HP1BP3: variants seen among roughly 807,000 people sequenced by gnomAD.
HP1BP3 encodes the protein heterochromatin protein 1 binding protein 3.
Under a neutral mutation model 62.5 loss-of-function variants are expected in HP1BP3, and 12 were observed. That is an observed-to-expected ratio of 0.19 (90% CI 0.12 to 0.31). The LOEUF (loss-of-function observed/expected upper bound fraction) is 0.31, where lower values mean the gene tolerates loss of function less well. Among genes scored for constraint, HP1BP3 ranks in the 10% least tolerant of loss-of-function variants. The probability of loss-of-function intolerance (pLI) is 1.00; values close to 1 mark genes in which losing one functional copy is unlikely to be tolerated. For missense variants in HP1BP3, 502 were observed against 651.8 expected, an observed-to-expected ratio of 0.77 and a Z score of 2.50; for synonymous variants, 260 against 237.8, an observed-to-expected ratio of 1.09 and a Z score of -0.86.
intron 1 of HP1BP3, among the ~76,000 whole-genome samples, chr1:20,782,405 CGT>C (rs879432002): frequency 1.3e-5 from 2 of 150,164 alleles, no homozygotes; most frequent in Admixed American, 1.3e-4. Context: ...GCAATACAGA[CGT>C]TGTCTCTAAA....
chr1:20,776,887 C>T, intron 3 of HP1BP3, 137 bp from the exon 4 acceptor site: 1 of 658,080 alleles, frequency 1.5e-6, no homozygotes, highest in Non-Finnish European at 2.4e-6. Flanking sequence ...AAATGAATGA[C>T]CACTAATGCA....
intron 9 of HP1BP3, among the ~76,000 whole-genome samples, chr1:20,751,576 C>A (rs1173279800): frequency 6.6e-6 from 1 of 151,942 alleles, no homozygotes; most frequent in East Asian, 1.9e-4. Flanking sequence ...AATAAAAAAA[C>A]TAGCTATGAA....
At chr1:20,751,035 T>G (rs904557443) in intron 9 of HP1BP3, among the ~76,000 whole-genome samples, 4 of 151,986 alleles carry the variant, frequency 2.6e-5, no homozygotes, top group African/African-American at 9.7e-5. Flanking sequence ...CAGGCTAGTC[T>G]CGAACTCCAG....
intron 5 of HP1BP3, 84 bp downstream of exon 5, chr1:20,773,367 G>A (rs867026160): frequency 2.5e-6 from 3 of 1,220,238 alleles, no homozygotes; most frequent in Admixed American, 2.3e-5. Context: ...GATTTATGAT[G>A]TCTAGACAGA....
rs752957848 is a variant in HP1BP3 at position 20,741,132 on chromosome 1, T to C, written c.*3665A>G. ...TAAGAATAGAATTTCTTTTCTTTCA[T>C]AGCTAAAATTAGAATTTTTGCTTAA... On this transcript the variant is annotated 3_prime_UTR_variant, in exon 13 of 13. Coordinates refer to ENST00000438032, the MANE Select transcript of HP1BP3 (RefSeq NM_001372052.1). Among the ~76,000 whole-genome samples, 1 of 152,258 alleles carries C rather than the reference T, an allele frequency of 6.6e-6. No homozygotes were observed. The highest frequency in any genetic ancestry group is 1.5e-5 in the Non-Finnish European group (1 of 68,046).
chr1:20,761,713 T>C (rs1052065139), intron 8 of HP1BP3, among the ~76,000 whole-genome samples: 5 of 152,218 alleles, frequency 3.3e-5, no homozygotes, highest in African/African-American at 9.7e-5. Flanking sequence ...ACCAAGTGAA[T>C]GTGGACATAA....
At chr1:20,782,911 A>G (rs1224014389) in intron 1 of HP1BP3, among the ~76,000 whole-genome samples, 37 of 38,304 alleles carry the variant, frequency 9.7e-4, no homozygotes, top group African/African-American at 8.2e-4. Flanking sequence ...AAAAAAAGAA[A>G]AAAAAAAAAA....
intron 1 of HP1BP3, among the ~76,000 whole-genome samples, chr1:20,781,701 G>A (rs149201262): frequency 3.9e-5 from 6 of 151,960 alleles, no homozygotes; most frequent in Non-Finnish European, 8.8e-5. Flanking sequence ...ATCTCAGCTC[G>A]CTGCAACCTC....
In HP1BP3 at chr1:20,742,967, TA is replaced by T. The variant is rs2055126356; in HGVS notation, c.*1829del. ...GCCAGAAGATGTACTTCAAAAACTT[TA>T]AGACAATTAAAATGTCAAGTGCCAC... On this transcript the variant is annotated 3_prime_UTR_variant, in exon 13 of 13. Coordinates refer to ENST00000438032, the MANE Select transcript of HP1BP3 (RefSeq NM_001372052.1). The T allele has an allele frequency of 6.6e-6, 1 of 152,626 alleles. No homozygotes were observed. The highest frequency in any genetic ancestry group is 2.4e-5 in the African/African-American group (1 of 41,460). 9.5% of individuals were successfully genotyped at this position (152,626 alleles called of 1,614,324 possible).
At chr1:20,769,587 AT>A (rs1424401192) in intron 6 of HP1BP3, among the ~76,000 whole-genome samples, 1 of 151,492 alleles carries the variant, frequency 6.6e-6, no homozygotes, top group African/African-American at 2.4e-5. Flanking sequence ...TAAAGAAATA[AT>A]TTTTTTGTAG....
chr1:20,786,805 G>C (rs1397503869), intron 1 of HP1BP3: 3 of 152,464 alleles, frequency 2.0e-5, no homozygotes. Flanking sequence ...GACCGCGGCG[G>C]GCCTCGGAGC....
chr1:20,781,205 C>G (rs2057529011), intron 1 of HP1BP3, among the ~76,000 whole-genome samples: 1 of 152,076 alleles, frequency 6.6e-6, no homozygotes, highest in Admixed American at 6.5e-5. Flanking sequence ...TGATCACTAA[C>G]ACCCCCTCTT....
intron 9 of HP1BP3, among the ~76,000 whole-genome samples, chr1:20,753,130 A>T (rs1019720296): frequency 1.3e-5 from 2 of 152,212 alleles, no homozygotes; most frequent in Admixed American, 1.3e-4. Context: ...TTTACTAGAG[A>T]TTGGGTTTCA....
intron 5 of HP1BP3, among the ~76,000 whole-genome samples, chr1:20,771,559 C>G (rs1222521687): frequency 6.6e-6 from 1 of 152,162 alleles, no homozygotes; most frequent in Non-Finnish European, 1.5e-5. Flanking sequence ...AATGGGTTTA[C>G]AGATGGCAAA....
chr1:20,766,868 G>A (rs747553652), intron 7 of HP1BP3, among the ~76,000 whole-genome samples: 34 of 151,854 alleles, frequency 2.2e-4, no homozygotes, highest in Non-Finnish European at 7.4e-5. Flanking sequence ...ACTTGAATCC[G>A]GGAAGCAGAG....
At chr1:20,784,344 TG>T (rs2057716125) in intron 1 of HP1BP3, among the ~76,000 whole-genome samples, 1 of 152,190 alleles carries the variant, frequency 6.6e-6, no homozygotes, top group Non-Finnish European at 1.5e-5. Context: ...CACTTGTTCC[TG>T]GCAGGGATCT....
rs1007112855 is a variant in HP1BP3 at position 20,779,144 on chromosome 1, G to C, written c.196+668C>G. ...ATAATTGATTCTAACAGCCACAACAGAGGCAGCACAGTGTGCTTATCCCTG... is the reference window on the plus strand; with the variant it reads ...ATAATTGATTCTAACAGCCACAACACAGGCAGCACAGTGTGCTTATCCCTG... On this transcript the variant is annotated intron_variant, in intron 3 of 12. Transcript: ENST00000438032. 3.9e-5 allele frequency among the ~76,000 whole-genome samples: 6 copies of C among 151,988 alleles called. No individual in the cohort carries two copies. In the South Asian group the frequency reaches 1.2e-3, roughly 32 times the overall value.
intron 4 of HP1BP3, 131 bp from the exon 5 acceptor site, chr1:20,773,741 C>T (rs943142324): frequency 5.4e-6 from 3 of 555,804 alleles, no homozygotes; most frequent in Non-Finnish European, 8.5e-6. Context: ...ATGACATGTA[C>T]CATAAGCAAA....
chr1:20,770,560 C>T (rs915013369), intron 6 of HP1BP3, among the ~76,000 whole-genome samples: 2 of 152,100 alleles, frequency 1.3e-5, no homozygotes, highest in Non-Finnish European at 2.9e-5. Context: ...AGTGATCCTC[C>T]CAACTAAGCC....
Sources: allele counts gnomAD v4.1 joint callset (sites outside exome capture counted in the v4.1 genomes callset), GRCh38; gene constraint gnomAD v4.1.1; transcripts MANE v1.5; gene names NCBI Gene and HGNC (gene_info 2026-07-23, HGNC 2026-07-21).